The following OTUD7B variants were observed in gnomAD, a reference collection of about 807,000 sequenced individuals.
OTUD7B encodes the protein OTU deubiquitinase 7B, also known as OTU domain-containing protein 7B.
In OTUD7B, 34 loss-of-function variants were observed where a neutral mutation model predicts 82.2. The ratio of observed to expected loss-of-function variants is 0.41; its 90% CI spans 0.31 to 0.55. OTUD7B has a LOEUF of 0.55. OTUD7B is among the 20% of genes least tolerant of loss of function. OTUD7B has a pLI of 0.20. For synonymous variants in OTUD7B, 398 were observed against 402.7 expected, an observed-to-expected ratio of 0.99 and a Z score of 0.14; for missense variants, 944 against 1,062.1, an observed-to-expected ratio of 0.89 and a Z score of 1.55.
intron 10 of OTUD7B, 56 bp downstream of exon 10, chr1:149,948,913 C>A: frequency 8.8e-7 from 1 of 1,141,862 alleles, no homozygotes; most frequent in South Asian, 1.2e-5. Context: ...GAGATGGATG[C>A]CACATGTGGA....
Position 149,950,820 on chromosome 1 carries a change from G to A in OTUD7B, c.846-599C>T, listed in dbSNP as rs1298011170. Among the ~76,000 whole-genome samples, 6 of 131,776 alleles carry A rather than the reference G, an allele frequency of 4.6e-5. No individual in the cohort carries two copies. In the East Asian group the frequency reaches 1.3e-3, roughly 29 times the overall value. The allele number at this position is 131,776 out of a possible 152,430, so 86.5% of individuals were successfully genotyped here. ...TTTTCTTTTTTTTTTTTGAGATAGAGTCTCGTTCTGTCCCCCAGGCTGGAG... is the reference window on the plus strand; with the variant it reads ...TTTTCTTTTTTTTTTTTGAGATAGAATCTCGTTCTGTCCCCCAGGCTGGAG... On this transcript the variant is annotated intron_variant, in intron 7 of 11. Coordinates refer to ENST00000581312, the MANE Select transcript of OTUD7B (RefSeq NM_020205.4).
chr1:150,016,147 C>T, the OTUD7B span, among the ~76,000 whole-genome samples: 5 of 152,104 alleles, frequency 3.3e-5, no homozygotes, highest in Non-Finnish European at 7.4e-5. Flanking sequence ...GGGATAAATG[C>T]ATCTTTCTTA....
chr1:150,058,575 A>G, the OTUD7B span, among the ~76,000 whole-genome samples: 22 of 152,178 alleles, frequency 1.4e-4, no homozygotes, highest in Non-Finnish European at 2.6e-4. Context: ...ATAAAAATAC[A>G]TGATGTAATA....
intron 5 of OTUD7B, 109 bp downstream of exon 5, chr1:149,965,668 C>A (rs996330177): frequency 3.9e-6 from 3 of 761,242 alleles, no homozygotes; most frequent in Non-Finnish European, 6.8e-6. Context: ...TCGCTCTGAA[C>A]CATCATTTCC....
intron 2 of OTUD7B, among the ~76,000 whole-genome samples, chr1:149,975,416 G>A (rs1553778350): frequency 6.6e-6 from 1 of 152,192 alleles, no homozygotes; most frequent in Non-Finnish European, 1.5e-5. Context: ...AAACCTCACT[G>A]AGCCTCAGGT....
chr1:150,045,791 T>C, the OTUD7B span, among the ~76,000 whole-genome samples: 259 of 152,304 alleles, frequency 1.7e-3, no homozygotes, highest in Non-Finnish European at 2.6e-3. Context: ...ACCTACTCCA[T>C]TGCCAATTTT....
intron 7 of OTUD7B, among the ~76,000 whole-genome samples, chr1:149,952,263 T>C (rs187988494): frequency 1.5e-3 from 217 of 146,194 alleles, no homozygotes; most frequent in Non-Finnish European, 1.9e-3. Context: ...AGTGTTCTTA[T>C]TGTTCAATTC....
At chr1:150,005,939 G>C (rs1312827383) in intron 1 of OTUD7B, among the ~76,000 whole-genome samples, 3 of 152,078 alleles carry the variant, frequency 2.0e-5, no homozygotes, top group Admixed American at 6.5e-5. Flanking sequence ...TACAGATTTT[G>C]AAAAGAAATT....
At chr1:149,966,397 A>G (rs1649522930) in intron 4 of OTUD7B, among the ~76,000 whole-genome samples, 1 of 152,196 alleles carries the variant, frequency 6.6e-6, no homozygotes, top group Non-Finnish European at 1.5e-5. Flanking sequence ...GCAAAAATCC[A>G]TCATGAACAA....
intron 7 of OTUD7B, among the ~76,000 whole-genome samples, chr1:149,958,651 T>C (rs1648901369): frequency 6.6e-6 from 1 of 152,056 alleles, no homozygotes; most frequent in Non-Finnish European, 1.5e-5. Context: ...ACCATTAATA[T>C]CACATTTTAT....
intron 3 of OTUD7B, among the ~76,000 whole-genome samples, chr1:149,969,624 C>T (rs1178577256): frequency 6.6e-6 from 1 of 152,156 alleles, no homozygotes; most frequent in Non-Finnish European, 1.5e-5. Context: ...AATGCATGTA[C>T]AGCTTTTAAA....
At chr1:150,002,575 T>A (rs1286568931) in intron 1 of OTUD7B, among the ~76,000 whole-genome samples, 1 of 152,178 alleles carries the variant, frequency 6.6e-6, no homozygotes, top group Non-Finnish European at 1.5e-5. Flanking sequence ...GCTAGTACAA[T>A]GCAATGTGGC....
the OTUD7B span, among the ~76,000 whole-genome samples, chr1:150,059,651 C>T: frequency 2.6e-5 from 4 of 151,824 alleles, no homozygotes; most frequent in Non-Finnish European, 4.4e-5. Context: ...ATTACAGGCA[C>T]GAGCCACCAT....
In OTUD7B at chr1:149,959,737, A is replaced by G. The variant is rs1228108605; in HGVS notation, c.792T>C (p.Leu264=). ...WQKEWNELIK[L]ASSEPRMHLG... Reference sequence around the variant, plus strand: ...GATGCATTCGGGGTTCACTTGAGGCAAGCTTGATCAGTTCATTCCACTCCT... The same window carrying G: ...GATGCATTCGGGGTTCACTTGAGGCGAGCTTGATCAGTTCATTCCACTCCT... Residue 264 remains leucine, a synonymous_variant, in exon 7 of 12, where the codon CTT becomes CTC. Transcript: ENST00000581312. The G allele has an allele frequency of 6.2e-7, 1 of 1,614,100 alleles. No homozygotes were observed. Among genetic ancestry groups the G allele is most frequent in the East Asian group, 2.2e-5 (1 of 44,874 alleles).
chr1:149,998,452 A>T (rs1222659899), intron 1 of OTUD7B, among the ~76,000 whole-genome samples: 2 of 152,180 alleles, frequency 1.3e-5, no homozygotes, highest in African/African-American at 4.8e-5. Context: ...TCCTAGGTAA[A>T]ACACTGTGCT....
chr1:149,994,804 G>A (rs369473913), intron 1 of OTUD7B, among the ~76,000 whole-genome samples: 6 of 152,032 alleles, frequency 3.9e-5, no homozygotes, highest in East Asian at 3.9e-4. Context: ...TGGAATTGAA[G>A]AGCAAGCATT....
At chr1:150,035,109 A>G in the OTUD7B span, among the ~76,000 whole-genome samples, 2 of 149,634 alleles carry the variant, frequency 1.3e-5, no homozygotes, top group Non-Finnish European at 3.0e-5. Flanking sequence ...GCGCCATTGC[A>G]CTACAGCTTG....
chr1:150,028,622 C>T, the OTUD7B span, among the ~76,000 whole-genome samples: 1 of 152,176 alleles, frequency 6.6e-6, no homozygotes, highest in South Asian at 2.1e-4. Context: ...CCCCCTAACC[C>T]TTGGCAACCA....
chr1:150,054,062 G>A, the OTUD7B span: 1 of 377,362 alleles, frequency 2.6e-6, no homozygotes, highest in Non-Finnish European at 4.9e-6. Context: ...TTCCAGAAAG[G>A]CCACGTGCAA....
Sources: gnomAD v4.1 joint callset for allele counts (sites outside exome capture counted in the v4.1 genomes callset) on GRCh38, gnomAD v4.1.1 for gene constraint, MANE v1.5 for transcripts, NCBI Gene and HGNC (gene_info 2026-07-23, HGNC 2026-07-21) for gene names.